SLIT2: variants seen among roughly 807,000 people sequenced by gnomAD.
SLIT2 encodes slit homolog 2 protein.
A neutral mutation model predicts 185.7 loss-of-function variants in SLIT2; 41 were observed. That is an observed-to-expected ratio of 0.22 (90% confidence interval 0.17 to 0.29). The LOEUF is 0.29. SLIT2 is among the 10% of genes least tolerant of loss of function. The probability of loss-of-function intolerance (pLI) is 1.00; values close to 1 mark genes in which losing one functional copy is unlikely to be tolerated. For synonymous variants in SLIT2, 693 were observed against 680.2 expected (o/e 1.02, Z -0.29); for missense variants, 1,571 against 1,909.0 (o/e 0.82, Z 3.30).
intron 11 of SLIT2, 25 bp downstream of exon 11, chr4:20,511,162 G>A: frequency 6.8e-7 from 1 of 1,462,440 alleles, no homozygotes; most frequent in Non-Finnish European, 9.5e-7. Context: ...TGTCACTGAA[G>A]GAAAAGAGAA....
chr4:20,351,123 A>G (rs1721837303), intron 4 of SLIT2, among the ~76,000 whole-genome samples: 2 of 149,060 alleles, frequency 1.3e-5, no homozygotes, highest in Non-Finnish European at 3.0e-5. Flanking sequence ...ATCTCGGCTT[A>G]CTGCAACCTC....
intron 19 of SLIT2, among the ~76,000 whole-genome samples, chr4:20,541,081 G>C (rs576079807): frequency 8.5e-5 from 13 of 152,200 alleles, no homozygotes; most frequent in African/African-American, 3.1e-4. Flanking sequence ...TTAAATTACT[G>C]CATTATCAGT....
intron 14 of SLIT2, among the ~76,000 whole-genome samples, chr4:20,524,461 G>T (rs1447204440): frequency 6.6e-6 from 1 of 152,140 alleles, no homozygotes; most frequent in Non-Finnish European, 1.5e-5. Context: ...CTTAACCAGA[G>T]CCTTATAGCT....
intron 4 of SLIT2, among the ~76,000 whole-genome samples, chr4:20,306,884 C>T (rs1560302015): frequency 6.6e-6 from 1 of 152,066 alleles, no homozygotes. Context: ...TATCCATGCA[C>T]TTAATTATAG....
chr4:20,513,955 T>G (rs1332597899), intron 11 of SLIT2, among the ~76,000 whole-genome samples: 2 of 152,114 alleles, frequency 1.3e-5, no homozygotes, highest in Non-Finnish European at 2.9e-5. Flanking sequence ...TGCTTGAAAC[T>G]GAAATGATGA....
At chr4:20,507,670 GAATT>G (rs1305916760) in intron 9 of SLIT2, among the ~76,000 whole-genome samples, 2 of 151,544 alleles carry the variant, frequency 1.3e-5, no homozygotes, top group Non-Finnish European at 3.0e-5. Context: ...GTGAATGAAT[GAATT>G]AATGATTATT....
At chr4:20,387,516 T>TG (rs1725025836) in intron 4 of SLIT2, among the ~76,000 whole-genome samples, 1 of 152,148 alleles carries the variant, frequency 6.6e-6, no homozygotes, top group Non-Finnish European at 1.5e-5. Flanking sequence ...AATCTTGAAA[T>TG]ATCTCAGTGT....
In SLIT2 at chr4:20,542,637, C is replaced by T. The variant is rs1446032639; in HGVS notation, c.2276+11C>T. 5.0e-6 allele frequency: 8 copies of T among 1,611,122 alleles called. No individual in the cohort carries two copies. Among genetic ancestry groups the T allele is most frequent in the Non-Finnish European group, 6.8e-6 (8 of 1,178,684 alleles). ...AGATGTCACAGAGTTGTAAGTAGAGCTTGTCTTTCTTTTCTTTTCTTTTTC... is the reference window on the plus strand; with the variant it reads ...AGATGTCACAGAGTTGTAAGTAGAGTTTGTCTTTCTTTTCTTTTCTTTTTC... On this transcript the variant is annotated intron_variant, in intron 21 of 36. Transcript: ENST00000504154.
intron 9 of SLIT2, among the ~76,000 whole-genome samples, chr4:20,508,512 T>C (rs1719409070): frequency 6.6e-6 from 1 of 152,092 alleles, no homozygotes; most frequent in South Asian, 2.1e-4. Flanking sequence ...GATATAGCAA[T>C]ACATGTATGA....
At chr4:20,402,101 G>A (rs571395294) in intron 4 of SLIT2, among the ~76,000 whole-genome samples, 1 of 151,866 alleles carries the variant, frequency 6.6e-6, no homozygotes, top group Non-Finnish European at 1.5e-5. Context: ...GTATCCTAAA[G>A]GTAACTGAGC....
intron 4 of SLIT2, among the ~76,000 whole-genome samples, chr4:20,439,904 A>G (rs1303738711): frequency 2.0e-5 from 3 of 152,372 alleles, no homozygotes; most frequent in South Asian, 2.1e-4. Flanking sequence ...AAAAGACATC[A>G]TAGAGTTAAG....
At chr4:20,275,439 A>G (rs545846871) in intron 4 of SLIT2, among the ~76,000 whole-genome samples, 71 of 152,316 alleles carry the variant, frequency 4.7e-4, no homozygotes, top group African/African-American at 1.7e-3. Flanking sequence ...ATTTTCAAGT[A>G]TGATAGAAAC....
chr4:20,501,444 C>T (rs570978400), intron 9 of SLIT2, among the ~76,000 whole-genome samples: 4 of 152,212 alleles, frequency 2.6e-5, no homozygotes, highest in African/African-American at 9.6e-5. Context: ...TGCCACCACA[C>T]CCGGCTTTTT....
At chr4:20,430,502 A>C (rs970092976) in intron 4 of SLIT2, among the ~76,000 whole-genome samples, 1 of 152,330 alleles carries the variant, frequency 6.6e-6, no homozygotes, top group Non-Finnish European at 1.5e-5. Context: ...TTTTAATATC[A>C]AAGACAGAAC....
chr4:20,537,383 CA>C (rs34995905), intron 18 of SLIT2, among the ~76,000 whole-genome samples: 44,307 of 151,780 alleles, frequency 0.29, 6,731 homozygotes, highest in Middle Eastern at 0.42. Flanking sequence ...TCTGCTTGAC[CA>C]AAATATTGTT....
At chr4:20,609,756 G>C (rs1578018859) in intron 33 of SLIT2, among the ~76,000 whole-genome samples, 2 of 152,250 alleles carry the variant, frequency 1.3e-5, no homozygotes, top group East Asian at 3.9e-4. Context: ...GCTGGATGAT[G>C]ATGAAATGTA....
intron 33 of SLIT2, among the ~76,000 whole-genome samples, chr4:20,599,659 C>T (rs1305949560): frequency 2.0e-5 from 3 of 152,074 alleles, no homozygotes; most frequent in Non-Finnish European, 1.5e-5. Context: ...AAACTCTTGA[C>T]TTTTCAGGAA....
chr4:20,385,823 C>T (rs1308879592), intron 4 of SLIT2, among the ~76,000 whole-genome samples: 2 of 152,102 alleles, frequency 1.3e-5, no homozygotes, highest in African/African-American at 4.8e-5. Context: ...CAATTTTCAT[C>T]TTGGGAGAAA....
At chr4:20,503,331 G>A (rs556071947) in intron 9 of SLIT2, among the ~76,000 whole-genome samples, 1 of 152,102 alleles carries the variant, frequency 6.6e-6, no homozygotes, top group Non-Finnish European at 1.5e-5. Flanking sequence ...CAAGTGATAC[G>A]AAAGATGATT....
Sources: allele counts gnomAD v4.1 joint callset (sites outside exome capture counted in the v4.1 genomes callset), GRCh38; gene constraint gnomAD v4.1.1; transcripts MANE v1.5; gene names NCBI Gene and HGNC (gene_info 2026-07-23, HGNC 2026-07-21).